The following POMGNT2 variants were observed in gnomAD, a reference collection of about 807,000 sequenced individuals.
The protein encoded by POMGNT2 is protein O-linked-mannose beta-1,4-N-acetylglucosaminyltransferase 2.
Under a neutral mutation model 37.8 loss-of-function variants are expected in POMGNT2, and 32 were observed. The observed-to-expected ratio is 0.85, with a 90% CI of 0.64 to 1.14. The LOEUF (loss-of-function observed/expected upper bound fraction) is 1.14. POMGNT2 is among the 50% of genes most tolerant of loss of function. The pLI is 0.00. For synonymous variants in POMGNT2, 340 were observed against 336.8 expected (o/e 1.01, Z -0.10); for missense variants, 705 against 780.6 (o/e 0.90, Z 1.15).
intron 1 of POMGNT2, among the ~76,000 whole-genome samples, chr3:43,083,110 A>G (rs886926672): frequency 6.6e-6 from 1 of 152,210 alleles, no homozygotes; most frequent in African/African-American, 2.4e-5. Flanking sequence ...TTGGGCCCAC[A>G]CATATGAATA....
chr3:43,084,648 C>CAAA (rs58875803), intron 1 of POMGNT2, among the ~76,000 whole-genome samples: 77 of 117,186 alleles, frequency 6.6e-4, no homozygotes, highest in African/African-American at 2.5e-3. Context: ...GACTCCGTCT[C>CAAA]AAAAAAAAAA....
Position 43,080,493 on chromosome 3 carries a change from C to G in POMGNT2, c.939G>C (p.Glu313Asp). The change falls in exon 2 of 2, where the codon GAG (glutamate) becomes GAC (aspartate). Residue 313 changes from glutamate (E) to aspartate (D), a missense_variant. Physicochemically the swap from Glu to Asp is conservative, Grantham distance 45. Coordinates refer to ENST00000344697, the MANE Select transcript of POMGNT2 (RefSeq NM_032806.6). The stretch of plus-strand genomic sequence containing the variant: ...ACACTGTCACTGTCTTCATCTGGAA[C>G]TCCTGGGCCAGTGCCAGCAGCAGCT... ...EAELLLALAQ[E>D]FQMKTVTVSL... 1 of 1,614,212 alleles carries G rather than the reference C, an allele frequency of 6.2e-7. No individual in the cohort carries two copies. Among genetic ancestry groups the G allele is most frequent in the Non-Finnish European group, 8.5e-7 (1 of 1,180,046 alleles).
chr3:43,105,180 CAG>C (rs1406384299), intron 1 of POMGNT2, among the ~76,000 whole-genome samples: 7 of 152,216 alleles, frequency 4.6e-5, no homozygotes, highest in Non-Finnish European at 7.3e-5. Context: ...CATACTTTAG[CAG>C]AGAGTTCCCA....
At chr3:43,100,193 C>G (rs1197867551) in intron 1 of POMGNT2, among the ~76,000 whole-genome samples, 1 of 150,642 alleles carries the variant, frequency 6.6e-6, no homozygotes, top group African/African-American at 2.5e-5. Flanking sequence ...CCCTCTATAT[C>G]TGCAGGTTCT....
intron 1 of POMGNT2, among the ~76,000 whole-genome samples, chr3:43,103,064 G>C (rs553478820): frequency 6.6e-6 from 1 of 152,118 alleles, no homozygotes; most frequent in Non-Finnish European, 1.5e-5. Flanking sequence ...ATACTAGTGT[G>C]ATAATTTATC....
rs143884102 is a variant in POMGNT2, at chr3:43,102,995, G to A, written c.-106+2841C>T. Among the ~76,000 whole-genome samples, 176 of 152,220 alleles carry A rather than the reference G, an allele frequency of 1.2e-3. 4 individuals are homozygous for A. In the South Asian group the frequency reaches 0.026, roughly 22 times the overall value. The stretch of plus-strand genomic sequence containing the variant: ...CCAGCCAGGCAGAGGGTACCCAGCT[G>A]TGACAGGTGGCTTAGGGAGCTGTGG... On this transcript the variant is annotated intron_variant, in intron 1 of 1. Coordinates refer to ENST00000344697, the MANE Select transcript of POMGNT2 (RefSeq NM_032806.6).
intron 1 of POMGNT2, among the ~76,000 whole-genome samples, chr3:43,083,557 T>C (rs138459337): frequency 9.8e-5 from 15 of 152,382 alleles, no homozygotes; most frequent in Non-Finnish European, 1.6e-4. Flanking sequence ...TCCCTTGATA[T>C]AGATTTTCTA....
rs1239123789 is a variant in POMGNT2, at chr3:43,079,620, G to A, written c.*69C>T. On this transcript the variant is annotated 3_prime_UTR_variant, in exon 2 of 2. Coordinates refer to ENST00000344697, the MANE Select transcript of POMGNT2 (RefSeq NM_032806.6). ...AATAGTTCCCAGAAGTCTCCACAGT[G>A]GGATTAATGGGCCCAGGGACGCTGA... The A allele has an allele frequency of 2.2e-6, 3 of 1,380,922 alleles. No homozygotes were observed. Among genetic ancestry groups the A allele is most frequent in the Non-Finnish European group, 3.0e-6 (3 of 999,026 alleles). 85.5% of individuals were successfully genotyped at this position (1,380,922 alleles called of 1,614,324 possible).
intron 1 of POMGNT2, among the ~76,000 whole-genome samples, chr3:43,084,292 T>G (rs2089878516): frequency 1.3e-5 from 2 of 151,674 alleles, no homozygotes; most frequent in Non-Finnish European, 2.9e-5. Flanking sequence ...CCTTGAAAAC[T>G]TTTTCAGCCC....
intron 1 of POMGNT2, among the ~76,000 whole-genome samples, chr3:43,103,093 T>A (rs1360593157): frequency 2.0e-5 from 3 of 152,142 alleles, no homozygotes. Context: ...CCTGGTACTG[T>A]GCTGAGAGGG....
intron 1 of POMGNT2, among the ~76,000 whole-genome samples, chr3:43,084,416 C>A (rs568109870): frequency 3.3e-5 from 5 of 152,066 alleles, no homozygotes; most frequent in African/African-American, 9.7e-5. Context: ...GAGGCCAAGG[C>A]GGGTGGATCA....
Position 43,105,980 on chromosome 3 carries a change from G to C in POMGNT2, c.-250C>G, listed in dbSNP as rs987769583. On this transcript the variant is annotated 5_prime_UTR_variant, in exon 1 of 2. Coordinates refer to ENST00000344697, the MANE Select transcript of POMGNT2 (RefSeq NM_032806.6). ...CAGAAGGCCCAGGCAGCCAGCACAG[G>C]TTTGGCCGCGCCGCCGGGTTCGCAG... 1.8e-4 allele frequency: 27 copies of C among 151,682 alleles called. No individual in the cohort carries two copies. Among genetic ancestry groups the C allele is most frequent in the African/African-American group, 6.5e-4 (27 of 41,290 alleles). The allele number at this position is 151,682 out of a possible 1,614,324, so 9.4% of individuals were successfully genotyped here.
rs139987554 is a variant in POMGNT2 at position 43,093,911 on chromosome 3, C to T, written c.-106+11925G>A. Among the ~76,000 whole-genome samples, 26 of 152,208 alleles carry T rather than the reference C, an allele frequency of 1.7e-4. No individual in the cohort carries two copies. In the East Asian group the frequency reaches 4.6e-3, roughly 27 times the overall value. On this transcript the variant is annotated intron_variant, in intron 1 of 1. Coordinates refer to ENST00000344697, the MANE Select transcript of POMGNT2 (RefSeq NM_032806.6). Reference sequence around the variant, plus strand: ...TTGTCTTAGGATCTCAGGATCTGCTCCTGGGAGACTTAAAAAAAAATAGAT... The same window carrying T: ...TTGTCTTAGGATCTCAGGATCTGCTTCTGGGAGACTTAAAAAAAAATAGAT...
chr3:43,095,525 T>C (rs2089973659), intron 1 of POMGNT2, among the ~76,000 whole-genome samples: 1 of 152,228 alleles, frequency 6.6e-6, no homozygotes, highest in South Asian at 2.1e-4. Flanking sequence ...CCTCCAGCCT[T>C]GCCCCTGCTC....
Position 43,080,467 on chromosome 3 carries a change from G to A in POMGNT2, c.965C>T (p.Ser322Phe). The stretch of plus-strand genomic sequence containing the variant: ...ATCAGCAAAGGTGTGGTCCTCCAGG[G>A]ACACTGTCACTGTCTTCATCTGGAA... ...QEFQMKTVTV[S>F]LEDHTFADVV... The change falls in exon 2 of 2, where the codon TCC (serine) becomes TTC (phenylalanine). Residue 322 changes from serine (S) to phenylalanine (F), a missense_variant. Coordinates refer to ENST00000344697, the MANE Select transcript of POMGNT2 (RefSeq NM_032806.6). The A allele has an allele frequency of 6.2e-7, 1 of 1,614,198 alleles. No individual in the cohort carries two copies. The highest frequency in any genetic ancestry group is 8.5e-7 in the Non-Finnish European group (1 of 1,180,038).
chr3:43,079,991 A>G lies in POMGNT2; in HGVS notation c.1441T>C (p.Tyr481His). 2 of 1,613,980 alleles carry G rather than the reference A, an allele frequency of 1.2e-6. No homozygotes were observed. The highest frequency in any genetic ancestry group is 1.7e-6 in the Non-Finnish European group (2 of 1,180,030). ...CGTGCCTCCCGCACCTTGCCTGGAT[A>G]TAGGCCGACTGTCCACTTCTGCTTC... is the stretch of plus-strand genomic sequence containing the variant. ...PRKQKWTVGL[Y>H]PGKVREARCQ... Residue 481 changes from tyrosine to histidine, a missense_variant, in exon 2 of 2, where the codon TAT becomes CAT. Tyr to His is a moderately conservative substitution (Grantham distance 83). Transcript: ENST00000344697.
In POMGNT2 at chr3:43,080,951, G is replaced by A; in HGVS notation, c.481C>T (p.Pro161Ser). 1 of 1,614,214 alleles carries A rather than the reference G, an allele frequency of 6.2e-7. No homozygotes were observed. The highest frequency in any genetic ancestry group is 8.5e-7 in the Non-Finnish European group (1 of 1,180,040). ...DVALIANRFNPDNLMHVFHDD... is the reference protein window; with the variant it reads ...DVALIANRFNSDNLMHVFHDD... The stretch of plus-strand genomic sequence containing the variant: ...TGAAAGACGTGCATGAGGTTGTCGG[G>A]GTTGAAGCGGTTGGCGATGAGGGCC... Residue 161 changes from proline (P) to serine (S), a missense_variant, in exon 2 of 2, where the codon CCC (proline) becomes TCC (serine). Coordinates refer to ENST00000344697, the MANE Select transcript of POMGNT2 (RefSeq NM_032806.6).
At chr3:43,084,435 G>A (rs919380804) in intron 1 of POMGNT2, among the ~76,000 whole-genome samples, 1 of 152,136 alleles carries the variant, frequency 6.6e-6, no homozygotes, top group Non-Finnish European at 1.5e-5. Flanking sequence ...CACGAGGTCA[G>A]GAGTTCGAGA....
At position 43,098,899 on chromosome 3, in the gene POMGNT2, C is replaced by T. The variant is rs2089997855; in HGVS notation, c.-106+6937G>A. Among the ~76,000 whole-genome samples the T allele has an allele frequency of 1.4e-5, 2 of 145,082 alleles. No homozygotes were observed. The highest frequency in any genetic ancestry group is 4.0e-4 in the East Asian group (2 of 5,054). On this transcript the variant is annotated intron_variant, in intron 1 of 1. Coordinates refer to ENST00000344697, the MANE Select transcript of POMGNT2 (RefSeq NM_032806.6). The surrounding 1 kb of genome is among the most constrained non-coding windows in gnomAD (Gnocchi z 4.3). The stretch of plus-strand genomic sequence containing the variant: ...TCACCGGTTTTCAGCCTCCAAATAA[C>T]GCAGAAACCTTTGCTTGCCACACAG...
Sources: allele counts gnomAD v4.1 joint callset (sites outside exome capture counted in the v4.1 genomes callset), GRCh38; gene constraint gnomAD v4.1.1; non-coding constraint Gnocchi (gnomAD v3.1); transcripts MANE v1.5; gene names NCBI Gene and HGNC (gene_info 2026-07-23, HGNC 2026-07-21).